The following TSPAN7 variants were observed in gnomAD, a reference collection of about 807,000 sequenced individuals.
TSPAN7 encodes tetraspanin-7.
Under a neutral mutation model 17.6 loss-of-function variants are expected in TSPAN7, and 1 was observed. The observed-to-expected ratio is 0.06, with a 90% confidence interval of 0.02 to 0.27. The LOEUF (loss-of-function observed/expected upper bound fraction) is 0.27, where lower values mean the gene tolerates loss of function less well. TSPAN7 is among the 10% of genes least tolerant of loss of function. The pLI is 1.00. For synonymous variants in TSPAN7, 78 were observed against 79.0 expected (o/e 0.99, Z 0.07); for missense variants, 112 against 201.7 (o/e 0.56, Z 2.69).
At chrX:38,617,321 C>T (rs1354407914) in intron 1 of TSPAN7, among the ~76,000 whole-genome samples, 1 of 112,483 alleles carries the variant, frequency 8.9e-6, no homozygotes, top group Non-Finnish European at 1.9e-5. Flanking sequence ...GGGAGCCTGG[C>T]AGAAGTTATA....
chrX:38,671,680 C>T (rs2069821681), intron 3 of TSPAN7, among the ~76,000 whole-genome samples: 1 of 111,234 alleles, frequency 9.0e-6, no homozygotes, highest in Non-Finnish European at 1.9e-5. Context: ...TCTGTGTAGC[C>T]ATTGCATAAA....
chrX:38,605,091 A>G (rs1323678940), intron 1 of TSPAN7, among the ~76,000 whole-genome samples: 2 of 109,557 alleles, frequency 1.8e-5, no homozygotes, highest in Admixed American at 9.7e-5. Context: ...AATAAAGGGT[A>G]TTCAATTAGG....
At chrX:38,623,027 C>G (rs1346401918) in intron 1 of TSPAN7, 2 of 330,989 alleles carry the variant, frequency 6.0e-6, no homozygotes, top group East Asian at 9.7e-5. Context: ...TTTCTACAAC[C>G]TAGATGGTAG....
At chrX:38,623,062 G>A (rs1215023961) in intron 1 of TSPAN7, 3 of 329,176 alleles carry the variant, frequency 9.1e-6, no homozygotes, top group Non-Finnish European at 1.8e-5. Context: ...TTGATTTGTA[G>A]TTTGTTGTTT....
rs767796057 is a variant in TSPAN7 at position 38,611,827 on chromosome X, A to G, written c.81+50200A>G. Among the ~76,000 whole-genome samples the G allele has an allele frequency of 2.7e-5, 3 of 111,061 alleles. No individual in the cohort carries two copies. In the East Asian group the frequency reaches 8.5e-4, roughly 32 times the overall value. On this transcript the variant is annotated intron_variant, in intron 1 of 7. Coordinates refer to ENST00000378482, the MANE Select transcript of TSPAN7 (RefSeq NM_004615.4). Reference sequence around the variant, plus strand: ...AATTTTAAAATTCTAACGGGCCCACACCCCCAGTTTAAGAAATGGGAAAAT... The same window carrying G: ...AATTTTAAAATTCTAACGGGCCCACGCCCCCAGTTTAAGAAATGGGAAAAT...
At chrX:38,673,277 G>A (rs1200625292) in intron 3 of TSPAN7, among the ~76,000 whole-genome samples, 3 of 110,947 alleles carry the variant, frequency 2.7e-5, no homozygotes, top group African/African-American at 9.9e-5. Context: ...TAACACATTC[G>A]ACATTCCACC....
intron 1 of TSPAN7, among the ~76,000 whole-genome samples, chrX:38,660,584 A>T (rs959563752): frequency 2.9e-4 from 33 of 112,408 alleles, no homozygotes; most frequent in African/African-American, 1.1e-3. Context: ...GAGTTACAGA[A>T]TCCTCTGGGG....
intron 1 of TSPAN7, among the ~76,000 whole-genome samples, chrX:38,646,040 G>C (rs2069643760): frequency 9.0e-6 from 1 of 111,172 alleles, no homozygotes; most frequent in African/African-American, 3.3e-5. Flanking sequence ...GGTACTTCTT[G>C]TCAATTACCT....
At chrX:38,682,861 G>A (rs1452640511) in intron 6 of TSPAN7, among the ~76,000 whole-genome samples, 1 of 111,915 alleles carries the variant, frequency 8.9e-6, no homozygotes, top group Non-Finnish European at 1.9e-5. Context: ...ACATTTTAGA[G>A]GATCCCCAAA....
chrX:38,566,533 C>CA (rs2069144497), intron 1 of TSPAN7, among the ~76,000 whole-genome samples: 1 of 111,651 alleles, frequency 9.0e-6, no homozygotes, highest in African/African-American at 3.3e-5. Flanking sequence ...TTTTTTAAAA[C>CA]AATGTTATTT....
At chrX:38,571,323 ATCCTAAGAGAT>A (rs1309296103) in intron 1 of TSPAN7, among the ~76,000 whole-genome samples, 1 of 111,373 alleles carries the variant, frequency 9.0e-6, no homozygotes, top group Non-Finnish European at 1.9e-5. Flanking sequence ...CTTAGACCCC[ATCCTAAGAGAT>A]TCTGATTCAA....
At chrX:38,585,583 A>G (rs2069254006) in intron 1 of TSPAN7, among the ~76,000 whole-genome samples, 1 of 112,150 alleles carries the variant, frequency 8.9e-6, no homozygotes, top group South Asian at 3.6e-4. Flanking sequence ...ATTTTAATAC[A>G]ATACAAAATA....
At chrX:38,594,570 G>A (rs2069308897) in intron 1 of TSPAN7, among the ~76,000 whole-genome samples, 1 of 111,098 alleles carries the variant, frequency 9.0e-6, no homozygotes, top group Non-Finnish European at 1.9e-5. Context: ...TTAGTTTCTG[G>A]TTTATTCTTA....
At chrX:38,661,511 G>C (rs899924874) in intron 1 of TSPAN7, among the ~76,000 whole-genome samples, 6 of 112,047 alleles carry the variant, frequency 5.4e-5, no homozygotes, top group Non-Finnish European at 9.4e-5. Flanking sequence ...GAAAGGGAGA[G>C]CCTCAGCCTG....
chrX:38,562,973 A>T, intron 1 of TSPAN7: 1 of 965,731 alleles, frequency 1.0e-6, no homozygotes, highest in Non-Finnish European at 1.3e-6. Flanking sequence ...TTTGCTTTGA[A>T]ACTGGAGCAC....
chrX:38,640,082 T>C (rs1363707886), intron 1 of TSPAN7, among the ~76,000 whole-genome samples: 1 of 111,917 alleles, frequency 8.9e-6, no homozygotes, highest in Non-Finnish European at 1.9e-5. Context: ...GGTTTTGAAA[T>C]GGAGCAAGGA....
chrX:38,587,600 T>C (rs1313911286), intron 1 of TSPAN7, among the ~76,000 whole-genome samples: 2 of 111,855 alleles, frequency 1.8e-5, no homozygotes, highest in Admixed American at 1.9e-4. Flanking sequence ...AGAATATACA[T>C]GGTAATTAAT....
At chrX:38,609,127 A>G (rs1486355060) in intron 1 of TSPAN7, among the ~76,000 whole-genome samples, 1 of 112,352 alleles carries the variant, frequency 8.9e-6, no homozygotes, top group Non-Finnish European at 1.9e-5. Context: ...ACACTCTCTC[A>G]GCAGTGTCTG....
At chrX:38,650,346 A>G (rs961243550) in intron 1 of TSPAN7, among the ~76,000 whole-genome samples, 2 of 112,556 alleles carry the variant, frequency 1.8e-5, no homozygotes, top group African/African-American at 6.5e-5. Flanking sequence ...TACTAAAAAT[A>G]ATATCAATTG....
Sources: gnomAD v4.1 joint callset for allele counts (sites outside exome capture counted in the v4.1 genomes callset) on GRCh38, gnomAD v4.1.1 for gene constraint, MANE v1.5 for transcripts, NCBI Gene and HGNC (gene_info 2026-07-23, HGNC 2026-07-21) for gene names.